Variants in NRXN2 observed in about 807,000 individuals in gnomAD.
NRXN2 encodes neurexin 2.
In NRXN2, 29 loss-of-function variants were observed where a neutral mutation model predicts 128.8. That is an observed-to-expected ratio of 0.23 (90% CI 0.17 to 0.31). The LOEUF (loss-of-function observed/expected upper bound fraction) is 0.31, where lower values mean the gene tolerates loss of function less well. Ranked by LOEUF, NRXN2 falls within the 10% of genes least tolerant of loss-of-function variation. The pLI, the probability that NRXN2 is intolerant of heterozygous loss-of-function variation, is 1.00. For missense variants in NRXN2, 1,881 were observed against 2,452.6 expected (o/e 0.77, Z 4.92); for synonymous variants, 1,098 against 1,075.2 (o/e 1.02, Z -0.41).
chr11:64,620,092 C>CT (rs1390186929), intron 22 of NRXN2, among the ~76,000 whole-genome samples: 1 of 152,224 alleles, frequency 6.6e-6, no homozygotes, highest in East Asian at 1.9e-4. Context: ...ACCTCACTAC[C>CT]TCTGAGGGGC....
intron 2 of NRXN2, among the ~76,000 whole-genome samples, chr11:64,707,763 C>T (rs1464179504): frequency 6.6e-6 from 1 of 152,190 alleles, no homozygotes; most frequent in East Asian, 1.9e-4. Context: ...CTTAACAACA[C>T]ACTGGACAGC....
chr11:64,668,850 G>A (rs1331921159), intron 7 of NRXN2, among the ~76,000 whole-genome samples: 1 of 152,174 alleles, frequency 6.6e-6, no homozygotes, highest in Non-Finnish European at 1.5e-5. Context: ...TCAGCAGGCA[G>A]GAGCCTGAAG....
intron 9 of NRXN2, 52 bp from the exon 10 acceptor site, chr11:64,661,191 C>G (rs2048980231): frequency 6.2e-7 from 1 of 1,610,142 alleles, no homozygotes; most frequent in Admixed American, 1.7e-5. Context: ...CAGAAAGGGA[C>G]ATCCTGACTC....
At chr11:64,682,254 T>A in intron 6 of NRXN2, among the ~76,000 whole-genome samples, 1 of 149,160 alleles carries the variant, frequency 6.7e-6, no homozygotes, top group Non-Finnish European at 1.5e-5. Context: ...GGACTCCATC[T>A]CTGGGGACTC....
At chr11:64,612,007 C>G (rs922694666) in intron 22 of NRXN2, among the ~76,000 whole-genome samples, 1 of 152,066 alleles carries the variant, frequency 6.6e-6, no homozygotes, top group Non-Finnish European at 1.5e-5. Context: ...ACCCCACTTC[C>G]TCTCCACAAG....
At chr11:64,690,514 A>G in intron 4 of NRXN2, 38 bp from the exon 5 acceptor site, 1 of 1,557,988 alleles carries the variant, frequency 6.4e-7, no homozygotes. Context: ...CACAGGGGGT[A>G]CCGAGCCAGT....
At chr11:64,694,212 C>T (rs1565430604) in intron 3 of NRXN2, among the ~76,000 whole-genome samples, 1 of 152,202 alleles carries the variant, frequency 6.6e-6, no homozygotes, top group African/African-American at 2.4e-5. Context: ...CACTCACTCC[C>T]CTGTGGTGTC....
intron 17 of NRXN2, chr11:64,642,706 AGAGGTGGCGGCGGCGGCGGTG>A: frequency 6.7e-7 from 1 of 1,492,658 alleles, no homozygotes. Context: ...CAGCGGCAGC[AGAGGTGGCGGCGGCGGCGGTG>A]GAGGCGGCGG....
rs778327373 is a variant in NRXN2, at chr11:64,651,302, G to A, written c.2871C>T (p.Phe957=). ...TGAAGTCATTGCCGTTGCCCGAGTT[G>A]AACAGAAGAAGCCCATCAGGGGCCG... ...KTTAPDGLLL[F]NSGNGNDFIV... is the part of the protein sequence containing the mutation. The change falls in exon 14 of 23, where the codon TTC becomes TTT. Residue 957 remains phenylalanine, a synonymous_variant. Transcript: ENST00000265459. The surrounding 1 kb of genome is among the most constrained non-coding windows in gnomAD (Gnocchi z 5.9). The A allele has an allele frequency of 1.2e-6, 2 of 1,614,060 alleles. No individual in the cohort carries two copies. The highest frequency in any genetic ancestry group is 1.7e-5 in the Admixed American group (1 of 60,000).
At position 64,660,358 on chromosome 11, in the gene NRXN2, C is replaced by T; in HGVS notation, c.2363G>A (p.Gly788Glu). 1 of 1,613,952 alleles carries T rather than the reference C, an allele frequency of 6.2e-7. No homozygotes were observed. ...GAGGTTGACAGTGAGCTTCATCTGC[C>T]CCCCATCCAGCTCCAGGCGTAGGGT... ...ADTLRLELDG[G>E]QMKLTVNLDC... The change falls in exon 11 of 23, where the codon GGG (glycine) becomes GAG (glutamate). Residue 788 changes from glycine to glutamate, a missense_variant. Transcript: ENST00000265459. The surrounding 1 kb of genome is among the most constrained non-coding windows in gnomAD (Gnocchi z 5.2).
In NRXN2 at chr11:64,648,367, C is replaced by T; in HGVS notation, c.3284-29G>A. ...GAAGGGGCAGGAGAAAGGAACACCC[C>T]TGGCTCAGCCAAGCCCCCTCTTTCC... On this transcript the variant is annotated intron_variant, in intron 16 of 22. Transcript: ENST00000265459. This position sits in a 1 kb window ranked among gnomAD's most constrained non-coding sequence, Gnocchi z 4.1. 6.2e-7 allele frequency: 1 copy of T among 1,613,858 alleles called. No homozygotes were observed. The highest frequency in any genetic ancestry group is 1.3e-5 in the African/African-American group (1 of 75,060).
At chr11:64,669,053 C>T (rs1019238711) in intron 7 of NRXN2, among the ~76,000 whole-genome samples, 2 of 152,166 alleles carry the variant, frequency 1.3e-5, no homozygotes, top group Non-Finnish European at 2.9e-5. Context: ...CAAAAGTGTG[C>T]CAGAGAATGG....
chr11:64,621,894 C>G (rs2042397602), intron 21 of NRXN2, among the ~76,000 whole-genome samples: 1 of 152,154 alleles, frequency 6.6e-6, no homozygotes, highest in Non-Finnish European at 1.5e-5. Context: ...CCCCATTCCC[C>G]AGGTGCAGGC....
Position 64,653,709 on chromosome 11 carries a change from G to A in NRXN2, c.2403C>T (p.Val801=), listed in dbSNP as rs765079756. ...KLTVNLDCLR[V]GCAPSKGPET... is the part of the protein sequence containing the mutation. The stretch of plus-strand genomic sequence containing the variant: ...GAAGCCACTTACTGGGTGCGCAGCC[G>A]ACGCGCAGGCAGTCTGGGGGGGCCA... Residue 801 remains valine, a synonymous_variant, in exon 12 of 23, where the codon GTC becomes GTT. Transcript: ENST00000265459. 16 of 1,595,876 alleles carry A rather than the reference G, an allele frequency of 1.0e-5. No individual in the cohort carries two copies. The Admixed American group carries it at 1.1e-4, about 11-fold the overall frequency.
intron 7 of NRXN2, among the ~76,000 whole-genome samples, chr11:64,670,696 C>G (rs765316863): frequency 6.6e-5 from 10 of 152,182 alleles, no homozygotes; most frequent in Non-Finnish European, 1.0e-4. Flanking sequence ...ATACAGCACA[C>G]AGTCATTAAA....
chr11:64,665,442 C>A (rs1346149349), intron 9 of NRXN2, among the ~76,000 whole-genome samples: 1 of 152,200 alleles, frequency 6.6e-6, no homozygotes, highest in East Asian at 1.9e-4. Context: ...GGAAGCCCTG[C>A]AGTGCCCTGC....
chr11:64,701,032 C>T (rs1428387106), intron 2 of NRXN2, among the ~76,000 whole-genome samples: 2 of 152,342 alleles, frequency 1.3e-5, no homozygotes, highest in East Asian at 3.9e-4. Context: ...TATCATCCCT[C>T]CATTTCCACC....
intron 17 of NRXN2, among the ~76,000 whole-genome samples, chr11:64,639,122 A>G (rs1232011285): frequency 6.6e-6 from 1 of 152,244 alleles, no homozygotes; most frequent in Non-Finnish European, 1.5e-5. Context: ...CTTCTGGAAT[A>G]TCTAGACTTG....
intron 3 of NRXN2, among the ~76,000 whole-genome samples, 194 bp downstream of exon 3, chr11:64,697,581 C>A (rs1402556236): frequency 6.6e-6 from 1 of 152,096 alleles, no homozygotes; most frequent in East Asian, 1.9e-4. Flanking sequence ...CAGTCAGCAG[C>A]TCCCCCGAAA....
Sources: allele counts gnomAD v4.1 joint callset (sites outside exome capture counted in the v4.1 genomes callset), GRCh38; gene constraint gnomAD v4.1.1; non-coding constraint Gnocchi (gnomAD v3.1); transcripts MANE v1.5; gene names NCBI Gene and HGNC (gene_info 2026-07-23, HGNC 2026-07-21).